The following ERBB4 variants were observed in gnomAD, a reference collection of about 807,000 sequenced individuals.
The protein encoded by ERBB4 is erb-b2 receptor tyrosine kinase 4, also known as receptor tyrosine-protein kinase erbB-4.
In ERBB4, 42 loss-of-function variants were observed where a neutral mutation model predicts 158.0. The ratio of observed to expected loss-of-function variants is 0.27; its 90% CI spans 0.21 to 0.34. The LOEUF (loss-of-function observed/expected upper bound fraction) is 0.34. Among genes scored for constraint, ERBB4 ranks in the 10% least tolerant of loss-of-function variants. The pLI, the probability that ERBB4 is intolerant of heterozygous loss-of-function variation, is 1.00. For missense variants in ERBB4, 1,333 were observed against 1,624.1 expected (o/e 0.82, Z 3.08); for synonymous variants, 583 against 558.7 (o/e 1.04, Z -0.61).
At chr2:211,748,989 A>G (rs1484283759) in intron 5 of ERBB4, among the ~76,000 whole-genome samples, 1 of 152,242 alleles carries the variant, frequency 6.6e-6, no homozygotes, top group African/African-American at 2.4e-5. Context: ...ATTTCACACA[A>G]TAATCTCATC....
At chr2:211,792,382 A>AAT (rs758914590) in intron 3 of ERBB4, among the ~76,000 whole-genome samples, 217 of 151,530 alleles carry the variant, frequency 1.4e-3, no homozygotes, top group African/African-American at 4.2e-3. Context: ...AATTTAAGAA[A>AAT]ATATATATAT....
intron 1 of ERBB4, among the ~76,000 whole-genome samples, chr2:212,427,365 C>T (rs2091936671): frequency 6.6e-6 from 1 of 152,062 alleles, no homozygotes; most frequent in Non-Finnish European, 1.5e-5. Flanking sequence ...CTTAAGAAAA[C>T]CAAGACACAC....
intron 20 of ERBB4, among the ~76,000 whole-genome samples, chr2:211,463,982 G>A (rs1170573403): frequency 6.6e-6 from 1 of 152,014 alleles, no homozygotes; most frequent in Non-Finnish European, 1.5e-5. Flanking sequence ...TCTTCCTTCT[G>A]TTTATAGTGT....
At chr2:211,745,724 C>CA (rs1171513532) in intron 5 of ERBB4, among the ~76,000 whole-genome samples, 1,217 of 84,626 alleles carry the variant, frequency 0.014, 59 homozygotes, top group Middle Eastern at 0.1. Flanking sequence ...AGAAAAAAAA[C>CA]AAAAACAAAA....
In ERBB4 at chr2:211,419,761, A is replaced by T. The variant is rs191038991; in HGVS notation, c.3135+680T>A. Among the ~76,000 whole-genome samples, 142 of 152,194 alleles carry T rather than the reference A, an allele frequency of 9.3e-4. 1 individual carries two copies. The East Asian group carries it at 0.015, about 16-fold the overall frequency. ...TACAGTGGTACTCAATATATGTTGA[A>T]TGTATGAGGAATGAATTTATAAAAA... On this transcript the variant is annotated intron_variant, in intron 25 of 27. Coordinates refer to ENST00000342788, the MANE Select transcript of ERBB4 (RefSeq NM_005235.3).
chr2:211,620,241 GCTT>G (rs2069547665), intron 18 of ERBB4, among the ~76,000 whole-genome samples: 1 of 152,088 alleles, frequency 6.6e-6, no homozygotes, highest in Non-Finnish European at 1.5e-5. Flanking sequence ...TCAAATTTTA[GCTT>G]CTTAGCCCTG....
intron 20 of ERBB4, among the ~76,000 whole-genome samples, chr2:211,452,456 G>C (rs574979532): frequency 6.6e-6 from 1 of 152,096 alleles, no homozygotes; most frequent in Non-Finnish European, 1.5e-5. Context: ...GATTACAGGC[G>C]TGAGCCACCG....
At chr2:212,520,882 A>T (rs900525401) in intron 1 of ERBB4, among the ~76,000 whole-genome samples, 1 of 142,964 alleles carries the variant, frequency 7.0e-6, no homozygotes, top group Non-Finnish European at 1.5e-5. Context: ...CACCACTGGC[A>T]TAGCTCTGTG....
chr2:211,409,573 C>T (rs1213863003), intron 25 of ERBB4, among the ~76,000 whole-genome samples: 2 of 152,180 alleles, frequency 1.3e-5, no homozygotes, highest in East Asian at 1.9e-4. Context: ...TAATCATTAA[C>T]TCTTGATTAC....
intron 1 of ERBB4, among the ~76,000 whole-genome samples, chr2:212,308,455 G>C (rs1045239092): frequency 2.7e-5 from 4 of 150,894 alleles, no homozygotes; most frequent in Non-Finnish European, 5.9e-5. Context: ...ACGTCTCATT[G>C]CTACCTACAT....
chr2:212,464,020 G>A (rs1688706576), intron 1 of ERBB4, among the ~76,000 whole-genome samples: 1 of 152,090 alleles, frequency 6.6e-6, no homozygotes, highest in South Asian at 2.1e-4. Context: ...TCTGCAAGTG[G>A]AATACAGAAA....
At chr2:211,940,821 G>A (rs555705789) in intron 3 of ERBB4, among the ~76,000 whole-genome samples, 57 of 152,082 alleles carry the variant, frequency 3.7e-4, no homozygotes, top group African/African-American at 1.3e-3. Flanking sequence ...TCTGATTCTT[G>A]GTACAGCAGG....
rs115460563 is a variant in ERBB4, at chr2:212,341,287, G to A, written c.82+197162C>T. ...GATGGTACTAAGTATTATCTTAGAA[G>A]TGAAGTTGACTTTAAACATGATTTT... On this transcript the variant is annotated intron_variant, in intron 1 of 27. Transcript: ENST00000342788. Among the ~76,000 whole-genome samples the A allele has an allele frequency of 3.1e-3, 465 of 151,934 alleles. 1 individual carries two copies. Among genetic ancestry groups the A allele is most frequent in the African/African-American group, 0.011 (453 of 41,500 alleles).
At chr2:212,452,605 C>T (rs6711080) in intron 1 of ERBB4, among the ~76,000 whole-genome samples, 65,790 of 151,860 alleles carry the variant, frequency 0.43, 14,669 homozygotes, top group African/African-American at 0.47. Context: ...TTTTAATGCA[C>T]TCAGACCTAC....
At chr2:211,450,246 G>T (rs1443552480) in intron 20 of ERBB4, among the ~76,000 whole-genome samples, 1 of 152,146 alleles carries the variant, frequency 6.6e-6, no homozygotes, top group Non-Finnish European at 1.5e-5. Context: ...GGGTAAGGCT[G>T]GAGGAGTGTG....
intron 25 of ERBB4, among the ~76,000 whole-genome samples, chr2:211,397,263 C>CTATT (rs1181364171): frequency 6.6e-6 from 1 of 152,118 alleles, no homozygotes; most frequent in East Asian, 1.9e-4. Context: ...ATTCCTGCAT[C>CTATT]TATTTGTGAA....
intron 20 of ERBB4, among the ~76,000 whole-genome samples, chr2:211,480,266 G>A (rs149148848): frequency 1.4e-3 from 207 of 152,112 alleles, no homozygotes; most frequent in African/African-American, 4.8e-3. Context: ...TCTTAGTATA[G>A]TATCTTGGTT....
chr2:212,372,472 A>T (rs1415083575), intron 1 of ERBB4, among the ~76,000 whole-genome samples: 1 of 152,128 alleles, frequency 6.6e-6, no homozygotes, highest in Non-Finnish European at 1.5e-5. Flanking sequence ...ATGCCTGGCC[A>T]GGCGCGGTGG....
At chr2:211,683,434 A>C (rs1031599121) in intron 12 of ERBB4, among the ~76,000 whole-genome samples, 5 of 152,182 alleles carry the variant, frequency 3.3e-5, no homozygotes, top group Non-Finnish European at 7.4e-5. Flanking sequence ...GGAATTGTAC[A>C]GTATGTAATT....
Sources: allele counts gnomAD v4.1 joint callset (sites outside exome capture counted in the v4.1 genomes callset), GRCh38; gene constraint gnomAD v4.1.1; transcripts MANE v1.5; gene names NCBI Gene and HGNC (gene_info 2026-07-23, HGNC 2026-07-21).